The following DLG2 variants were observed in gnomAD, a reference collection of about 807,000 sequenced individuals.
The protein encoded by DLG2 is disks large homolog 2.
In DLG2, 45 loss-of-function variants were observed where a neutral mutation model predicts 132.5. That is an observed-to-expected ratio of 0.34 (90% confidence interval 0.27 to 0.44). The LOEUF is 0.44. Ranked by LOEUF, DLG2 falls within the 20% of genes least tolerant of loss-of-function variation. The probability of loss-of-function intolerance (pLI) is 1.00; values close to 1 mark genes in which losing one functional copy is unlikely to be tolerated. For synonymous variants in DLG2, 424 were observed against 419.6 expected (o/e 1.01, Z -0.13); for missense variants, 1,045 against 1,196.9 (o/e 0.87, Z 1.87).
intron 14 of DLG2, among the ~76,000 whole-genome samples, chr11:83,954,893 T>C (rs2086435299): frequency 6.6e-6 from 1 of 152,242 alleles, no homozygotes; most frequent in South Asian, 2.1e-4. Context: ...GCAGTCAGAC[T>C]ATATGACTCT....
At chr11:84,859,628 T>C (rs946423984) in intron 6 of DLG2, among the ~76,000 whole-genome samples, 4 of 151,692 alleles carry the variant, frequency 2.6e-5, no homozygotes, top group African/African-American at 9.7e-5. Flanking sequence ...GTAGTAAACA[T>C]AGCAGAATAT....
At chr11:84,699,232 T>C (rs74401247) in intron 6 of DLG2, among the ~76,000 whole-genome samples, 3 of 151,606 alleles carry the variant, frequency 2.0e-5, no homozygotes, top group Non-Finnish European at 4.4e-5. Flanking sequence ...TTGATTCTTA[T>C]TAACTGTAAG....
intron 7 of DLG2, among the ~76,000 whole-genome samples, chr11:84,420,721 T>G (rs1215710236): frequency 2.3e-5 from 3 of 128,044 alleles, no homozygotes. Context: ...CAGGCTGGAG[T>G]GCAGTGGCGG....
intron 8 of DLG2, among the ~76,000 whole-genome samples, chr11:84,221,980 A>C (rs546711573): frequency 1.1e-3 from 165 of 152,292 alleles, no homozygotes; most frequent in African/African-American, 3.8e-3. Context: ...TAGCATAATA[A>C]TACTATATTA....
chr11:85,437,873 A>C (rs996409638), intron 3 of DLG2, among the ~76,000 whole-genome samples: 1 of 152,188 alleles, frequency 6.6e-6, no homozygotes, highest in Non-Finnish European at 1.5e-5. Context: ...GTACTCACCC[A>C]CACTATCTTC....
intron 21 of DLG2, among the ~76,000 whole-genome samples, chr11:83,488,842 T>C (rs1024803195): frequency 6.6e-6 from 1 of 152,018 alleles, no homozygotes; most frequent in Admixed American, 6.6e-5. Context: ...CTTTGTATTA[T>C]ACAAATCTTA....
At chr11:85,238,253 ATT>A (rs2075698846) in intron 4 of DLG2, among the ~76,000 whole-genome samples, 1 of 122,688 alleles carries the variant, frequency 8.2e-6, no homozygotes, top group Admixed American at 8.0e-5. Context: ...TTATTTATTT[ATT>A]TATTTTGAGA....
chr11:84,155,780 G>C (rs2095416329), intron 9 of DLG2, among the ~76,000 whole-genome samples: 1 of 152,102 alleles, frequency 6.6e-6, no homozygotes, highest in South Asian at 2.1e-4. Context: ...TTCAAGATAT[G>C]AACTAGGGCT....
At chr11:83,786,604 C>T in intron 18 of DLG2, 86 bp downstream of exon 18, 2 of 1,202,216 alleles carry the variant, frequency 1.7e-6, no homozygotes, top group South Asian at 2.6e-5. Flanking sequence ...ATGATGGTGA[C>T]TCTAGTTAAT....
chr11:85,013,847 T>C (rs1026720020), intron 6 of DLG2, among the ~76,000 whole-genome samples: 2 of 152,214 alleles, frequency 1.3e-5, no homozygotes, highest in Admixed American at 6.5e-5. Flanking sequence ...TTAGGGTTTA[T>C]AGCAAAATGG....
chr11:84,553,349 C>T (rs1468514442), intron 6 of DLG2, among the ~76,000 whole-genome samples: 1 of 152,138 alleles, frequency 6.6e-6, no homozygotes, highest in Admixed American at 6.5e-5. Flanking sequence ...CCAGTGAGCT[C>T]TGTTTTCAGT....
Position 85,190,062 on chromosome 11 carries a change from G to C in DLG2, c.187-35411C>G, listed in dbSNP as rs140631167. Reference sequence around the variant, plus strand: ...TTCAGGCAGGACTTCTAATGCTTTAGACCCTTCAGAAATGAAAGTTTGTTC... The same window carrying C: ...TTCAGGCAGGACTTCTAATGCTTTACACCCTTCAGAAATGAAAGTTTGTTC... On this transcript the variant is annotated intron_variant, in intron 4 of 27. Transcript: ENST00000376104. Among the ~76,000 whole-genome samples, 314 of 152,294 alleles carry C rather than the reference G, an allele frequency of 2.1e-3. 3 individuals carry two copies. The highest frequency in any genetic ancestry group is 7.2e-3 in the African/African-American group (298 of 41,572).
intron 17 of DLG2, among the ~76,000 whole-genome samples, chr11:83,824,967 G>A (rs886633777): frequency 2.0e-5 from 3 of 151,692 alleles, no homozygotes; most frequent in African/African-American, 7.3e-5. Context: ...GAATATAACT[G>A]GAAAGGAGCA....
Position 84,161,929 on chromosome 11 carries a change from A to G in DLG2, c.624+1532T>C, listed in dbSNP as rs1291911777. Among the ~76,000 whole-genome samples, 9 of 152,304 alleles carry G rather than the reference A, an allele frequency of 5.9e-5. No individual in the cohort carries two copies. The East Asian group carries it at 1.5e-3, about 26-fold the overall frequency. On this transcript the variant is annotated intron_variant, in intron 9 of 27. Coordinates refer to ENST00000376104, the MANE Select transcript of DLG2 (RefSeq NM_001142699.3). The stretch of plus-strand genomic sequence containing the variant: ...ATACCATTAAAATTTTATCAAGTCC[A>G]TAATGGAAGTTTTAAAGAACCCATC...
At chr11:84,596,252 G>C (rs1162236409) in intron 6 of DLG2, among the ~76,000 whole-genome samples, 1 of 150,608 alleles carries the variant, frequency 6.6e-6, no homozygotes, top group Admixed American at 6.6e-5. Context: ...TTATCACCCA[G>C]GTTGGAGTGC....
At chr11:83,956,102 G>A (rs1186441626) in intron 14 of DLG2, among the ~76,000 whole-genome samples, 1 of 152,098 alleles carries the variant, frequency 6.6e-6, no homozygotes, top group Non-Finnish European at 1.5e-5. Context: ...CCTGACTTCA[G>A]GGAAGAAGAC....
At chr11:84,417,405 C>A (rs891234487) in intron 7 of DLG2, among the ~76,000 whole-genome samples, 1 of 152,098 alleles carries the variant, frequency 6.6e-6, no homozygotes, top group Non-Finnish European at 1.5e-5. Flanking sequence ...TCAATACATG[C>A]GAATTTCCTT....
chr11:85,571,193 T>A (rs2077824300), intron 3 of DLG2, among the ~76,000 whole-genome samples: 2 of 152,202 alleles, frequency 1.3e-5, no homozygotes, highest in African/African-American at 2.4e-5. Context: ...AATTTTTGTT[T>A]AAAATTGGTC....
At chr11:84,123,485 T>C (rs1489026311) in intron 9 of DLG2, among the ~76,000 whole-genome samples, 2 of 152,206 alleles carry the variant, frequency 1.3e-5, no homozygotes, top group African/African-American at 4.8e-5. Context: ...AATCAAGGTA[T>C]AAGGCCTCAT....
Sources: gnomAD v4.1 joint callset for allele counts (sites outside exome capture counted in the v4.1 genomes callset) on GRCh38, gnomAD v4.1.1 for gene constraint, MANE v1.5 for transcripts, NCBI Gene and HGNC (gene_info 2026-07-23, HGNC 2026-07-21) for gene names.